The following LRRC3B variants were observed in gnomAD, a reference collection of about 807,000 sequenced individuals.
LRRC3B encodes the protein leucine rich repeat containing 3B.
LRRC3B carries 2 observed loss-of-function variants against 12.8 expected under a neutral mutation model. The observed-to-expected ratio is 0.16, with a 90% CI of 0.06 to 0.49. The LOEUF (loss-of-function observed/expected upper bound fraction) is 0.49. Among genes scored for constraint, LRRC3B ranks in the 20% least tolerant of loss-of-function variants. The probability of loss-of-function intolerance (pLI) is 0.96; values close to 1 mark genes in which losing one functional copy is unlikely to be tolerated. For missense variants in LRRC3B, 189 were observed against 319.4 expected, an observed-to-expected ratio of 0.59 and a Z score of 3.11; for synonymous variants, 132 against 122.0, an observed-to-expected ratio of 1.08 and a Z score of -0.54.
chr3:26,636,888 TTCTC>T (rs376737167), intron 1 of LRRC3B, among the ~76,000 whole-genome samples: 11 of 70,846 alleles, frequency 1.6e-4, no homozygotes, highest in Non-Finnish European at 2.8e-4. Context: ...CTTCCTTCCT[TTCTC>T]TCTCTCTCTC....
At chr3:26,658,378 C>A (rs1210285549) in intron 1 of LRRC3B, among the ~76,000 whole-genome samples, 1 of 152,182 alleles carries the variant, frequency 6.6e-6, no homozygotes, top group Non-Finnish European at 1.5e-5. Flanking sequence ...TTCAATGAAG[C>A]ATAATTTGCA....
At chr3:26,668,939 T>A (rs373280624) in intron 1 of LRRC3B, among the ~76,000 whole-genome samples, 1 of 152,156 alleles carries the variant, frequency 6.6e-6, no homozygotes, top group African/African-American at 2.4e-5. Context: ...GCTGAAGAAC[T>A]CTGGGGAGCT....
chr3:26,688,091 G>T (rs1700121212), intron 1 of LRRC3B, among the ~76,000 whole-genome samples: 1 of 152,168 alleles, frequency 6.6e-6, no homozygotes, highest in Non-Finnish European at 1.5e-5. Context: ...TAACATGGAA[G>T]TTTTATAATA....
chr3:26,650,472 C>A (rs569025663), intron 1 of LRRC3B, among the ~76,000 whole-genome samples: 160 of 152,290 alleles, frequency 1.1e-3, no homozygotes, highest in African/African-American at 3.5e-3. Flanking sequence ...CAGCTCCCCC[C>A]ACCAGTGGCA....
At chr3:26,657,666 T>G (rs572406445) in intron 1 of LRRC3B, among the ~76,000 whole-genome samples, 10 of 152,308 alleles carry the variant, frequency 6.6e-5, no homozygotes, top group Non-Finnish European at 1.3e-4. Flanking sequence ...TCCTCTTTTT[T>G]TTTTCTTGTT....
chr3:26,710,268 A>C, exon 2 of LRRC3B: 1 of 1,613,902 alleles, frequency 6.2e-7, no homozygotes, highest in Non-Finnish European at 8.5e-7. Context: ...AACCTCCCTA[A>C]AAAAACTACC....
intron 1 of LRRC3B, among the ~76,000 whole-genome samples, chr3:26,661,824 T>C (rs1285106942): frequency 6.6e-6 from 1 of 152,224 alleles, no homozygotes; most frequent in Non-Finnish European, 1.5e-5. Flanking sequence ...ACTGCTTTTC[T>C]GTATTTCTTT....
intron 1 of LRRC3B, among the ~76,000 whole-genome samples, chr3:26,691,035 G>A (rs371723809): frequency 6.9e-6 from 1 of 144,580 alleles, no homozygotes; most frequent in African/African-American, 2.6e-5. Flanking sequence ...ATATATATAT[G>A]TGTGTATATA....
intron 1 of LRRC3B, among the ~76,000 whole-genome samples, chr3:26,699,348 T>C (rs1468460324): frequency 6.6e-6 from 1 of 152,192 alleles, no homozygotes; most frequent in Non-Finnish European, 1.5e-5. Context: ...TTTTATTGTC[T>C]CCTTGTAACT....
intron 1 of LRRC3B, among the ~76,000 whole-genome samples, chr3:26,695,380 A>T (rs1293784517): frequency 6.6e-6 from 1 of 152,164 alleles, no homozygotes; most frequent in Non-Finnish European, 1.5e-5. Context: ...ACAAAAAATT[A>T]GCCGGGCATT....
chr3:26,692,048 A>G (rs1337865014), intron 1 of LRRC3B, among the ~76,000 whole-genome samples: 1 of 152,260 alleles, frequency 6.6e-6, no homozygotes, highest in East Asian at 1.9e-4. Flanking sequence ...TAAGATGACT[A>G]TATGCCACAC....
intron 1 of LRRC3B, among the ~76,000 whole-genome samples, chr3:26,689,927 A>G (rs1700157064): frequency 6.6e-6 from 1 of 152,204 alleles, no homozygotes; most frequent in Admixed American, 6.5e-5. Flanking sequence ...GGAAAGACGA[A>G]GAGGAGGAAA....
At chr3:26,693,308 G>A (rs867085276) in intron 1 of LRRC3B, among the ~76,000 whole-genome samples, 8 of 128,014 alleles carry the variant, frequency 6.2e-5, no homozygotes, top group Non-Finnish European at 1.3e-4. Flanking sequence ...CAGCCTGGGC[G>A]ACAGAGCGAA....
At chr3:26,636,864 C>A (rs185042317) in intron 1 of LRRC3B, among the ~76,000 whole-genome samples, 1 of 66,948 alleles carries the variant, frequency 1.5e-5, no homozygotes, top group African/African-American at 7.3e-5. Context: ...CTCCCTCCCT[C>A]CCTTCCTTCC....
At chr3:26,647,744 A>T (rs1307938786) in intron 1 of LRRC3B, among the ~76,000 whole-genome samples, 5 of 152,208 alleles carry the variant, frequency 3.3e-5, no homozygotes, top group African/African-American at 4.8e-5. Context: ...AGAGAAAAAA[A>T]GTCTCCTAGC....
intron 1 of LRRC3B, among the ~76,000 whole-genome samples, chr3:26,651,306 G>T (rs2125415072): frequency 6.6e-6 from 1 of 152,274 alleles, no homozygotes. Context: ...GAGGGTTTCT[G>T]TGACCACCTG....
At position 26,653,564 on chromosome 3, in the gene LRRC3B, AAAG is replaced by A. The variant is rs1053424867; in HGVS notation, c.-161+30333_-161+30335del. On this transcript the variant is annotated intron_variant, in intron 1 of 1. Coordinates refer to ENST00000396641, the Ensembl canonical transcript of LRRC3B. ...TAAAACAAAACATGTAAACTGTCAA[AAAG>A]AAGAACTCACAGAAAAAAAAAAATA... 1.3e-4 allele frequency among the ~76,000 whole-genome samples: 18 copies of A among 137,892 alleles called. 1 individual carries two copies. The highest frequency in any genetic ancestry group is 1.2e-3 in the South Asian group (5 of 4,254). 90.5% of individuals were successfully genotyped at this position (137,892 alleles called of 152,430 possible).
intron 1 of LRRC3B, among the ~76,000 whole-genome samples, chr3:26,686,447 A>G (rs1700091184): frequency 6.6e-6 from 1 of 152,106 alleles, no homozygotes; most frequent in Non-Finnish European, 1.5e-5. Flanking sequence ...TTATATATCT[A>G]ATTTGAAGCC....
intron 1 of LRRC3B, among the ~76,000 whole-genome samples, chr3:26,653,283 T>G (rs962881251): frequency 2.0e-5 from 3 of 152,188 alleles, no homozygotes; most frequent in Non-Finnish European, 2.9e-5. Context: ...GACATTCAGT[T>G]CAGCTGGTTT....
Sources: gnomAD v4.1 joint callset for allele counts (sites outside exome capture counted in the v4.1 genomes callset) on GRCh38, gnomAD v4.1.1 for gene constraint, MANE v1.5 for transcripts, NCBI Gene and HGNC (gene_info 2026-07-23, HGNC 2026-07-21) for gene names.